Variants in WASF1 observed in about 807,000 individuals in gnomAD.
WASF1 encodes actin-binding protein WASF1.
In WASF1, 7 loss-of-function variants were observed where a neutral mutation model predicts 50.5. The observed-to-expected ratio is 0.14, with a 90% CI of 0.08 to 0.26. WASF1 has a LOEUF of 0.26. Ranked by LOEUF, WASF1 falls within the 10% of genes least tolerant of loss-of-function variation. WASF1 has a pLI of 1.00. For synonymous variants in WASF1, 205 were observed against 244.0 expected (o/e 0.84, Z 1.49); for missense variants, 470 against 694.7 (o/e 0.68, Z 3.64).
chr6:110,100,728 T>G, intron 10 of WASF1, 49 bp from the exon 11 acceptor site: 2 of 1,443,364 alleles, frequency 1.4e-6, no homozygotes, highest in Non-Finnish European at 1.8e-6. Context: ...TACTAGATAC[T>G]AGATATTATT....
intron 3 of WASF1, among the ~76,000 whole-genome samples, chr6:110,129,458 A>G (rs547527467): frequency 2.6e-4 from 39 of 152,332 alleles, no homozygotes; most frequent in Non-Finnish European, 5.0e-4. Flanking sequence ...GCGAAGGCAA[A>G]CCTACAGACA....
intron 4 of WASF1, among the ~76,000 whole-genome samples, chr6:110,114,476 C>T (rs1337833261): frequency 6.6e-6 from 1 of 152,104 alleles, no homozygotes. Flanking sequence ...ACACAAAAAC[C>T]TTGTACTTTT....
chr6:110,147,916 T>G (rs1459665224), intron 3 of WASF1, among the ~76,000 whole-genome samples: 1 of 152,108 alleles, frequency 6.6e-6, no homozygotes, highest in African/African-American at 2.4e-5. Context: ...CTGGCTAATT[T>G]TTAAATTTTT....
At chr6:110,164,285 A>C (rs1298424039) in intron 2 of WASF1, among the ~76,000 whole-genome samples, 1 of 151,700 alleles carries the variant, frequency 6.6e-6, no homozygotes, top group Non-Finnish European at 1.5e-5. Context: ...GACTGGGAGA[A>C]AATATTTGCA....
At chr6:110,101,159 T>TA (rs1257467855) in intron 10 of WASF1, among the ~76,000 whole-genome samples, 2 of 152,194 alleles carry the variant, frequency 1.3e-5, no homozygotes, top group East Asian at 3.8e-4. Flanking sequence ...TTTCCTTTGT[T>TA]ACTAAGGGAG....
At position 110,101,716 on chromosome 6, in the gene WASF1, G is replaced by A. The variant is rs1234400305; in HGVS notation, c.1394C>T (p.Pro465Leu). ...AGATGGAGGCATTAATGGAACATGG[G>A]GACCTGGGGCAGTAGATGGAGTTGG... ...LHPTPSTAPG[P>L]HVPLMPPSPP... The change falls in exon 10 of 11, where the codon CCC becomes CTC. Residue 465 changes from proline (P) to leucine (L), a missense_variant. Physicochemically the swap from Pro to Leu is moderately conservative, Grantham distance 98. Transcript: ENST00000392589. 6.2e-7 allele frequency: 1 copy of A among 1,614,138 alleles called. No homozygotes were observed.
At chr6:110,103,045 A>G (rs1244947754) in intron 9 of WASF1, among the ~76,000 whole-genome samples, 2 of 152,198 alleles carry the variant, frequency 1.3e-5, no homozygotes, top group East Asian at 3.8e-4. Context: ...TGATAACAAC[A>G]CTATAATAAA....
chr6:110,178,909 A>T (rs780198843), intron 1 of WASF1, among the ~76,000 whole-genome samples, 167 bp from the exon 2 acceptor site: 6 of 152,210 alleles, frequency 3.9e-5, no homozygotes, highest in South Asian at 2.1e-4. Flanking sequence ...AAGCGACAGC[A>T]CCGCTTCGCC....
chr6:110,144,776 C>T (rs540571135), intron 3 of WASF1, among the ~76,000 whole-genome samples: 28 of 152,168 alleles, frequency 1.8e-4, no homozygotes, highest in East Asian at 7.7e-4. Context: ...TGTAGATATG[C>T]GGCATTATTT....
intron 4 of WASF1, among the ~76,000 whole-genome samples, chr6:110,124,393 T>G (rs1358935727): frequency 1.3e-5 from 2 of 148,908 alleles, no homozygotes; most frequent in Non-Finnish European, 3.0e-5. Flanking sequence ...TTTCACTTAA[T>G]AAATTCTACT....
At chr6:110,108,122 A>C (rs1773404361) in intron 6 of WASF1, among the ~76,000 whole-genome samples, 1 of 108,816 alleles carries the variant, frequency 9.2e-6, no homozygotes, top group Non-Finnish European at 1.7e-5. Context: ...TAGGTGACAA[A>C]GTGAGACTCC....
chr6:110,107,863 C>G (rs980460586), intron 6 of WASF1, among the ~76,000 whole-genome samples: 2 of 151,882 alleles, frequency 1.3e-5, no homozygotes, highest in Non-Finnish European at 2.9e-5. Flanking sequence ...GTATACAAAT[C>G]AAATCAAGAG....
intron 2 of WASF1, among the ~76,000 whole-genome samples, chr6:110,177,923 C>T (rs1205022864): frequency 1.3e-5 from 2 of 148,292 alleles, no homozygotes; most frequent in Non-Finnish European, 1.5e-5. Context: ...ATCAAGTAAC[C>T]AACAGTGGTT....
chr6:110,105,295 T>C (rs55638850), intron 8 of WASF1, 112 bp downstream of exon 8: 58,285 of 1,135,278 alleles, frequency 0.051, 1,793 homozygotes, highest in African/African-American at 0.11. Flanking sequence ...ATCTCTATAT[T>C]TATAACAGGG....
intron 3 of WASF1, among the ~76,000 whole-genome samples, chr6:110,144,246 T>C (rs759206282): frequency 9.2e-5 from 14 of 152,276 alleles, no homozygotes; most frequent in Middle Eastern, 3.4e-3. Context: ...TATTTCTTGA[T>C]GGCATAAATG....
chr6:110,114,129 T>C (rs1773689785), intron 4 of WASF1, among the ~76,000 whole-genome samples: 1 of 152,236 alleles, frequency 6.6e-6, no homozygotes, highest in Non-Finnish European at 1.5e-5. Context: ...CCACTTAAAA[T>C]GCTGTTTGAG....
chr6:110,123,987 C>T (rs1229019954), intron 4 of WASF1, among the ~76,000 whole-genome samples: 1 of 151,938 alleles, frequency 6.6e-6, no homozygotes, highest in Non-Finnish European at 1.5e-5. Flanking sequence ...TTTAGGCAGA[C>T]AGTAAGGGAA....
At chr6:110,103,252 G>C (rs1389768037) in intron 9 of WASF1, 126 bp downstream of exon 9, 2 of 938,530 alleles carry the variant, frequency 2.1e-6, no homozygotes, top group Non-Finnish European at 3.1e-6. Flanking sequence ...ATGCAACAAT[G>C]GCAGAATTGA....
intron 2 of WASF1, among the ~76,000 whole-genome samples, chr6:110,168,508 A>G (rs1268763922): frequency 6.6e-6 from 1 of 152,092 alleles, no homozygotes; most frequent in Non-Finnish European, 1.5e-5. Flanking sequence ...AGCAAGAAGA[A>G]TACATTTTAA....
Sources: allele counts gnomAD v4.1 joint callset (sites outside exome capture counted in the v4.1 genomes callset), GRCh38; gene constraint gnomAD v4.1.1; transcripts MANE v1.5; gene names NCBI Gene and HGNC (gene_info 2026-07-23, HGNC 2026-07-21).